The following PCDH7 variants were observed in gnomAD, a reference collection of about 807,000 sequenced individuals.
PCDH7 encodes the protein protocadherin 7, also known as protocadherin-7.
A neutral mutation model predicts 58.9 loss-of-function variants in PCDH7; 17 were observed. The ratio of observed to expected loss-of-function variants is 0.29; its 90% CI spans 0.20 to 0.43. The LOEUF (loss-of-function observed/expected upper bound fraction) is 0.43, where lower values mean the gene tolerates loss of function less well. Among genes scored for constraint, PCDH7 ranks in the 20% least tolerant of loss-of-function variants. The pLI, the probability that PCDH7 is intolerant of heterozygous loss-of-function variation, is 1.00. For missense variants in PCDH7, 1,274 were observed against 1,441.0 expected, an observed-to-expected ratio of 0.88 and a Z score of 1.88; for synonymous variants, 664 against 616.4, an observed-to-expected ratio of 1.08 and a Z score of -1.14.
intron 3 of PCDH7, among the ~76,000 whole-genome samples, chr4:31,029,445 G>A (rs898870776): frequency 5.3e-5 from 8 of 152,204 alleles, no homozygotes; most frequent in African/African-American, 1.7e-4. Flanking sequence ...TGTTGGATTA[G>A]AGTGGGTTCT....
intron 1 of PCDH7, among the ~76,000 whole-genome samples, chr4:30,743,678 G>T (rs1007947044): frequency 2.0e-5 from 3 of 151,738 alleles, no homozygotes; most frequent in African/African-American, 7.3e-5. Context: ...ATAAAACATA[G>T]CATTCTCTGC....
rs141726940 is a variant in PCDH7 at position 31,062,579 on chromosome 4, T to C, written c.*8-79894T>C. On this transcript the variant is annotated intron_variant, in intron 3 of 3. Coordinates refer to the PCDH7 transcript ENST00000509759. Reference sequence around the variant, plus strand: ...TGCCTCTCAGTGCCAAATCAACAACTGATTTCATAAACTTAGTCTTCATGT... The same window carrying C: ...TGCCTCTCAGTGCCAAATCAACAACCGATTTCATAAACTTAGTCTTCATGT... Among the ~76,000 whole-genome samples the C allele has an allele frequency of 4.7e-3, 715 of 151,956 alleles. 4 individuals carry two copies. Among genetic ancestry groups the C allele is most frequent in the African/African-American group, 0.016 (673 of 41,528 alleles).
At chr4:31,053,403 C>T (rs1756911408) in intron 3 of PCDH7, among the ~76,000 whole-genome samples, 1 of 152,020 alleles carries the variant, frequency 6.6e-6, no homozygotes, top group African/African-American at 2.4e-5. Context: ...CATCATCCTT[C>T]CATCGAGGCC....
At chr4:31,131,833 G>A (rs573101331) in intron 3 of PCDH7, among the ~76,000 whole-genome samples, 1 of 152,228 alleles carries the variant, frequency 6.6e-6, no homozygotes, top group South Asian at 2.1e-4. Flanking sequence ...TAGAATAACT[G>A]TATAGTTTCT....
At chr4:30,906,657 C>T (rs1460492754) in intron 1 of PCDH7, among the ~76,000 whole-genome samples, 1 of 152,150 alleles carries the variant, frequency 6.6e-6, no homozygotes, top group Non-Finnish European at 1.5e-5. Flanking sequence ...GCTACACTTT[C>T]CAGTAATTTG....
intron 3 of PCDH7, among the ~76,000 whole-genome samples, chr4:31,100,893 T>C (rs1714807918): frequency 6.6e-6 from 1 of 152,312 alleles, no homozygotes; most frequent in South Asian, 2.1e-4. Context: ...TGGAGAAAAA[T>C]TGTTAATTTC....
At chr4:31,005,498 A>G (rs544180142) in intron 3 of PCDH7, among the ~76,000 whole-genome samples, 1 of 152,312 alleles carries the variant, frequency 6.6e-6, no homozygotes, top group Admixed American at 6.5e-5. Context: ...AATAGGTTTC[A>G]TGTGTGAAAA....
intron 3 of PCDH7, among the ~76,000 whole-genome samples, chr4:31,072,101 GA>G (rs955535261): frequency 2.0e-5 from 3 of 151,396 alleles, no homozygotes; most frequent in African/African-American, 4.8e-5. Flanking sequence ...ACACCTCTAA[GA>G]AAAAAAATAG....
chr4:30,768,600 G>T (rs973360291), intron 1 of PCDH7, among the ~76,000 whole-genome samples: 1 of 152,200 alleles, frequency 6.6e-6, no homozygotes, highest in Non-Finnish European at 1.5e-5. Flanking sequence ...AAGTTTTAGA[G>T]CAGGAGATTT....
rs747316944 is a variant in PCDH7, at chr4:30,723,036, G to C, written c.1614G>C (p.Ser538=). 4 of 1,613,748 alleles carry C rather than the reference G, an allele frequency of 2.5e-6. No individual in the cohort carries two copies. Among genetic ancestry groups the C allele is most frequent in the Non-Finnish European group, 3.4e-6 (4 of 1,180,038 alleles). The change falls in exon 1 of 2, where the codon TCG becomes TCC. Residue 538 remains serine (S), a synonymous_variant. Coordinates refer to ENST00000361762, the Ensembl canonical transcript of PCDH7. The surrounding 1 kb of genome is among the most constrained non-coding windows in gnomAD (Gnocchi z 4.6). ...ACAACCCGCCCATGTTCGGCCAGTCGGTGGTGGAGGTTTACTTCCCTGAGA... is the reference window on the plus strand; with the variant it reads ...ACAACCCGCCCATGTTCGGCCAGTCCGTGGTGGAGGTTTACTTCCCTGAGA...
At chr4:30,899,287 G>T (rs552142799) in intron 1 of PCDH7, among the ~76,000 whole-genome samples, 1 of 152,150 alleles carries the variant, frequency 6.6e-6, no homozygotes, top group Non-Finnish European at 1.5e-5. Context: ...TGAGAGGCCC[G>T]TAAGGTATTG....
At chr4:30,867,378 T>C (rs1209175741) in intron 1 of PCDH7, among the ~76,000 whole-genome samples, 2 of 152,088 alleles carry the variant, frequency 1.3e-5, no homozygotes, top group African/African-American at 4.8e-5. Context: ...AAAGTATATG[T>C]TTTGTGATGT....
At chr4:30,962,796 A>C (rs993865154) in intron 3 of PCDH7, among the ~76,000 whole-genome samples, 16 of 151,324 alleles carry the variant, frequency 1.1e-4, no homozygotes, top group East Asian at 5.8e-4. Flanking sequence ...AAAAAAAAAA[A>C]AAAAAAAAAC....
At chr4:31,064,358 T>C (rs886343222) in intron 3 of PCDH7, among the ~76,000 whole-genome samples, 1 of 152,034 alleles carries the variant, frequency 6.6e-6, no homozygotes, top group African/African-American at 2.4e-5. Flanking sequence ...TCTATGTGTA[T>C]ACATGGAGTA....
intron 3 of PCDH7, among the ~76,000 whole-genome samples, chr4:31,054,618 T>G (rs1431754283): frequency 6.6e-6 from 1 of 152,170 alleles, no homozygotes; most frequent in Non-Finnish European, 1.5e-5. Context: ...TGTAAGAAGA[T>G]GAGAAAGTAA....
At chr4:30,957,047 A>C (rs6818938) in intron 3 of PCDH7, among the ~76,000 whole-genome samples, 93,364 of 152,006 alleles carry the variant, frequency 0.61, 29,957 homozygotes, top group African/African-American at 0.81. Context: ...ACAGTAAAAA[A>C]CAATATATAT....
At chr4:30,726,028 G>C (rs575974408) in intron 1 of PCDH7, among the ~76,000 whole-genome samples, 1 of 151,944 alleles carries the variant, frequency 6.6e-6, no homozygotes, top group African/African-American at 2.4e-5. Flanking sequence ...TATGTCCTTT[G>C]GTGTATGTGA....
chr4:31,076,314 A>T (rs1758985875), intron 3 of PCDH7, among the ~76,000 whole-genome samples: 1 of 152,340 alleles, frequency 6.6e-6, no homozygotes, highest in African/African-American at 2.4e-5. Context: ...TTATCAAAAG[A>T]GATTATTTTA....
intron 1 of PCDH7, among the ~76,000 whole-genome samples, chr4:30,862,271 A>G (rs528026953): frequency 6.6e-6 from 1 of 152,234 alleles, no homozygotes. Flanking sequence ...GGTGCTCTCC[A>G]GGAATTTCAG....
Sources: allele counts gnomAD v4.1 joint callset (sites outside exome capture counted in the v4.1 genomes callset), GRCh38; gene constraint gnomAD v4.1.1; non-coding constraint Gnocchi (gnomAD v3.1); transcripts MANE v1.5; gene names NCBI Gene and HGNC (gene_info 2026-07-23, HGNC 2026-07-21).